The following ADPGK variants were observed in gnomAD, a reference collection of about 807,000 sequenced individuals.
ADPGK encodes ADP-dependent glucokinase.
Under a neutral mutation model 42.4 loss-of-function variants are expected in ADPGK, and 26 were observed. The observed-to-expected ratio is 0.61, with a 90% confidence interval of 0.45 to 0.85. ADPGK has a LOEUF of 0.85. ADPGK is among the 40% of genes least tolerant of loss of function. The pLI, the probability that ADPGK is intolerant of heterozygous loss-of-function variation, is 0.00. For synonymous variants in ADPGK, 267 were observed against 252.6 expected (o/e 1.06, Z -0.54); for missense variants, 571 against 627.0 (o/e 0.91, Z 0.95).
At chr15:72,761,176 GTC>G (rs2066187798) in intron 3 of ADPGK, among the ~76,000 whole-genome samples, 1 of 152,148 alleles carries the variant, frequency 6.6e-6, no homozygotes, top group South Asian at 2.1e-4. Flanking sequence ...GAGCCCCCAA[GTC>G]TATGGTATTG....
chr15:72,774,491 G>A (rs2066365917), intron 2 of ADPGK, among the ~76,000 whole-genome samples: 1 of 152,142 alleles, frequency 6.6e-6, no homozygotes, highest in Non-Finnish European at 1.5e-5. Context: ...ATAATCACCA[G>A]GTGAACTTGG....
intron 6 of ADPGK, 55 bp downstream of exon 6, chr15:72,755,501 C>A: frequency 7.2e-7 from 1 of 1,385,848 alleles, no homozygotes; most frequent in Non-Finnish European, 1.0e-6. Flanking sequence ...CACAAAAAAG[C>A]TTCTCTGCAA....
At chr15:72,762,876 CA>C (rs2066212220) in intron 3 of ADPGK, among the ~76,000 whole-genome samples, 1 of 152,072 alleles carries the variant, frequency 6.6e-6, no homozygotes, top group Non-Finnish European at 1.5e-5. Flanking sequence ...CCCAGCTACT[CA>C]GGAGGCTGAG....
intron 3 of ADPGK, among the ~76,000 whole-genome samples, chr15:72,770,946 G>C (rs916088178): frequency 1.3e-5 from 2 of 152,186 alleles, no homozygotes; most frequent in African/African-American, 4.8e-5. Context: ...TTCACAGTCT[G>C]TTTTCTAGTG....
intron 1 of ADPGK, among the ~76,000 whole-genome samples, chr15:72,779,094 A>G (rs769527359): frequency 1.4e-4 from 22 of 152,176 alleles, no homozygotes; most frequent in Non-Finnish European, 2.5e-4. Flanking sequence ...ATACACAAGC[A>G]AAGTTGTACA....
intron 3 of ADPGK, among the ~76,000 whole-genome samples, chr15:72,764,830 A>G (rs2066238323): frequency 6.6e-6 from 1 of 152,190 alleles, no homozygotes; most frequent in African/African-American, 2.4e-5. Context: ...CTGGTGACTA[A>G]GTTGAAGCCA....
chr15:72,772,000 A>C (rs2066334553), intron 2 of ADPGK, among the ~76,000 whole-genome samples, 155 bp from the exon 3 acceptor site: 1 of 152,252 alleles, frequency 6.6e-6, no homozygotes, highest in African/African-American at 2.4e-5. Context: ...AAGTGAATGC[A>C]ACACAGAAAT....
intron 3 of ADPGK, among the ~76,000 whole-genome samples, chr15:72,768,424 T>C (rs904912733): frequency 6.6e-6 from 1 of 152,164 alleles, no homozygotes; most frequent in Non-Finnish European, 1.5e-5. Context: ...CCAAGCACTA[T>C]GGAAGGCTGA....
chr15:72,768,327 C>A (rs1305669729), intron 3 of ADPGK, among the ~76,000 whole-genome samples: 1 of 152,104 alleles, frequency 6.6e-6, no homozygotes, highest in African/African-American at 2.4e-5. Flanking sequence ...GGCTTAAATT[C>A]TATAAACATT....
intron 3 of ADPGK, among the ~76,000 whole-genome samples, chr15:72,766,978 C>T (rs1395841165): frequency 1.3e-5 from 2 of 151,980 alleles, no homozygotes; most frequent in Non-Finnish European, 2.9e-5. Context: ...CTAAACACTC[C>T]GATTAAAAGG....
At chr15:72,765,337 C>T (rs1316948624) in intron 3 of ADPGK, among the ~76,000 whole-genome samples, 6 of 151,988 alleles carry the variant, frequency 3.9e-5, no homozygotes, top group African/African-American at 1.2e-4. Context: ...TTAGTAGAGA[C>T]GGGGTTTTAA....
At position 72,752,627 on chromosome 15, in the gene ADPGK, A is replaced by G; in HGVS notation, c.1208T>C (p.Val403Ala). 1 of 1,614,216 alleles carries G rather than the reference A, an allele frequency of 6.2e-7. No homozygotes were observed. The highest frequency in any genetic ancestry group is 1.1e-5 in the South Asian group (1 of 91,082). The change falls in exon 7 of 7, where the codon GTG (valine) becomes GCG (alanine). Residue 403 changes from valine (V) to alanine (A), a missense_variant. Around this residue, in one of 2 missense-constraint regions of ADPGK, gnomAD observed 434 missense variants for 522.7 expected, o/e 0.83. Transcript: ENST00000456471. ...DGHWANQLAA[V>A]AAGARVAGTQ... Reference sequence around the variant, plus strand: ...CCCAGCCACACGAGCTCCTGCAGCCACGGCTGCCAGCTGGTTGGCCCAGTG... The same window carrying G: ...CCCAGCCACACGAGCTCCTGCAGCCGCGGCTGCCAGCTGGTTGGCCCAGTG...
In ADPGK at chr15:72,767,383, C is replaced by T. The variant is rs371011854; in HGVS notation, c.522+4400G>A. Among the ~76,000 whole-genome samples, 339 of 138,002 alleles carry T rather than the reference C, an allele frequency of 2.5e-3. 1 individual carries two copies. The highest frequency in any genetic ancestry group is 8.9e-3 in the African/African-American group (323 of 36,430). 90.5% of individuals were successfully genotyped at this position (138,002 alleles called of 152,430 possible). On this transcript the variant is annotated intron_variant, in intron 3 of 6. Coordinates refer to ENST00000456471, the MANE Select transcript of ADPGK (RefSeq NM_001365225.1). ...CTTAATAACTGACAGATCAAATAGA[C>T]AAAAAAAAAAAAACCAATAAGAATA...
intron 5 of ADPGK, chr15:72,756,041 G>A (rs540063346): frequency 1.4e-6 from 1 of 703,688 alleles, no homozygotes; most frequent in Non-Finnish European, 2.6e-6. Flanking sequence ...GCAAGAAGAT[G>A]TTCTGCCCTG....
chr15:72,778,264 A>G (rs2066414233), intron 1 of ADPGK, among the ~76,000 whole-genome samples: 2 of 152,240 alleles, frequency 1.3e-5, no homozygotes, highest in East Asian at 3.9e-4. Context: ...AACACTGAAC[A>G]TCTACTACAT....
At chr15:72,783,428 G>C (rs2066493974) in intron 1 of ADPGK, 31 bp downstream of exon 1, 5 of 1,328,858 alleles carry the variant, frequency 3.8e-6, no homozygotes, top group Non-Finnish European at 3.8e-6. Context: ...GACCTCGGAG[G>C]CTCAGAGACC....
rs2066101191 is a variant in ADPGK, at chr15:72,755,593, A to G, written c.902T>C (p.Met301Thr). Residue 301 changes from methionine to threonine, a missense_variant, in exon 6 of 7, where the codon ATG (methionine) becomes ACG (threonine). Met to Thr is a moderately conservative substitution (Grantham distance 81). This residue lies in a region of ADPGK where 434 missense variants were observed against 522.7 expected (regional missense o/e 0.83). Coordinates refer to ENST00000456471, the MANE Select transcript of ADPGK (RefSeq NM_001365225.1). ...GIPVHLELASMTNRELMSSIV... is the reference protein window; with the variant it reads ...GIPVHLELASTTNRELMSSIV... ...GCTGCTCATGAGCTCCCTGTTAGTC[A>G]TACTGGCCAGCTCTAGGTGAACTGG... The G allele has an allele frequency of 6.2e-7, 1 of 1,614,176 alleles. No homozygotes were observed. Among genetic ancestry groups the G allele is most frequent in the Non-Finnish European group, 8.5e-7 (1 of 1,180,012 alleles).
At position 72,783,718 on chromosome 15, in the gene ADPGK, A is replaced by T. The variant is rs947997638; in HGVS notation, c.-27T>A. On this transcript the variant is annotated 5_prime_UTR_variant, in exon 1 of 7. Transcript: ENST00000456471. ...GGGACCCAGGCGCCGCACCTGCGCG[A>T]ACCAACTCCTTTCCTAGCCCGCGCC... 4 of 1,437,126 alleles carry T rather than the reference A, an allele frequency of 2.8e-6. No individual in the cohort carries two copies. The Admixed American group carries it at 8.3e-5, about 30-fold the overall frequency. 89.0% of individuals were successfully genotyped at this position (1,437,126 alleles called of 1,614,324 possible). A position where few individuals can be genotyped will look rare whatever the true frequency, so the allele number is the denominator to read the frequency against.
chr15:72,783,479 G>C lies in ADPGK; in HGVS notation c.213C>G (p.Arg71=), dbSNP rs770546750. Residue 71 remains arginine (R), a synonymous_variant, in exon 1 of 7, where the codon CGC becomes CGG. Coordinates refer to ENST00000456471, the MANE Select transcript of ADPGK (RefSeq NM_001365225.1). ...CTCACCCCACTGCCACGCGGCGCCAGCGCCGGACTGGCCGCACGATAAGCG... is the reference window on the plus strand; with the variant it reads ...CTCACCCCACTGCCACGCGGCGCCACCGCCGGACTGGCCGCACGATAAGCG... ...WDALIVRPVR[R]WRRVAVGVNA... 1.4e-6 allele frequency: 2 copies of C among 1,408,406 alleles called. No individual in the cohort carries two copies. The highest frequency in any genetic ancestry group is 3.1e-5 in the Admixed American group (1 of 31,964). 87.2% of individuals were successfully genotyped at this position (1,408,406 alleles called of 1,614,324 possible). A position where few individuals can be genotyped will look rare whatever the true frequency, so the allele number is the denominator to read the frequency against.
Sources: gnomAD v4.1 joint callset for allele counts (sites outside exome capture counted in the v4.1 genomes callset) on GRCh38, gnomAD v4.1.1 for gene constraint, gnomAD v4.1.1 regional missense constraint, MANE v1.5 for transcripts, NCBI Gene and HGNC (gene_info 2026-07-23, HGNC 2026-07-21) for gene names.